Variants in EMID1 observed in about 807,000 individuals in gnomAD.
The protein encoded by EMID1 is EMI domain containing 1, also known as EMI domain-containing protein 1.
A neutral mutation model predicts 60.6 loss-of-function variants in EMID1; 40 were observed. The ratio of observed to expected loss-of-function variants is 0.66; its 90% CI spans 0.51 to 0.86. The LOEUF (loss-of-function observed/expected upper bound fraction) is 0.86. EMID1 is among the 40% of genes least tolerant of loss of function. The pLI, the probability that EMID1 is intolerant of heterozygous loss-of-function variation, is 0.00. For missense variants in EMID1, 585 were observed against 597.1 expected (o/e 0.98, Z 0.21); for synonymous variants, 242 against 231.0 (o/e 1.05, Z -0.43).
intron 13 of EMID1, among the ~76,000 whole-genome samples, chr22:29,248,259 CTTTTT>C (rs33924066): frequency 0.06 from 6,987 of 116,088 alleles, 414 homozygotes; most frequent in East Asian, 0.16. Flanking sequence ...GTGCCTGGCC[CTTTTT>C]TTTTTTTTTT....
intron 1 of EMID1, among the ~76,000 whole-genome samples, 197 bp downstream of exon 1, chr22:29,206,336 C>T (rs1385386794): frequency 6.6e-6 from 1 of 152,200 alleles, no homozygotes; most frequent in Admixed American, 6.5e-5. Flanking sequence ...AGCTGGCTGC[C>T]TCCCCTACTC....
chr22:29,224,088 G>A (rs2040403253), intron 3 of EMID1, among the ~76,000 whole-genome samples: 1 of 152,228 alleles, frequency 6.6e-6, no homozygotes, highest in East Asian at 1.9e-4. Context: ...CCCTTGAGGA[G>A]GGTATGCTGG....
At chr22:29,258,465 T>C (rs906183781) in intron 14 of EMID1, among the ~76,000 whole-genome samples, 1 of 152,154 alleles carries the variant, frequency 6.6e-6, no homozygotes, top group Non-Finnish European at 1.5e-5. Context: ...CAAATGGGGA[T>C]GACTCAGGGC....
chr22:29,223,040 G>A (rs1200443366), intron 3 of EMID1, among the ~76,000 whole-genome samples: 3 of 152,126 alleles, frequency 2.0e-5, no homozygotes, highest in South Asian at 2.1e-4. Context: ...GCAGTGAGCC[G>A]AGATTGCACC....
chr22:29,235,348 CA>C (rs3066718), intron 12 of EMID1, among the ~76,000 whole-genome samples: 9,116 of 113,282 alleles, frequency 0.08, 236 homozygotes, highest in Middle Eastern at 0.11. Context: ...GACTTCATCT[CA>C]AAAAAAAAAA....
Position 29,254,160 on chromosome 22 carries a change from C to G in EMID1, c.1120-43C>G. The G allele has an allele frequency of 1.9e-6, 3 of 1,612,118 alleles. No individual in the cohort carries two copies. In the Middle Eastern group the frequency reaches 5.0e-4, roughly 269 times the overall value. ...ACCGACGGGCTTTGCAGGGTCCCCT[C>G]CCCTGCCCCCTTCACGGCTGCATCT... On this transcript the variant is annotated intron_variant, in intron 13 of 14. Coordinates refer to ENST00000334018, the MANE Select transcript of EMID1 (RefSeq NM_133455.4).
Position 29,206,089 on chromosome 22 carries a change from G to T in EMID1, c.51G>T (p.Pro17=). ...WALLCLGLLL[P]GGGAAWSIGA... is the part of the protein sequence containing the mutation. ...TGCTCTGCCTCGGGCTCCTGCTCCC[G>T]GGAGGCGGCGCTGCGTGGAGCATCG... Residue 17 remains proline, a synonymous_variant, in exon 1 of 15, where the codon CCG becomes CCT. Coordinates refer to ENST00000334018, the MANE Select transcript of EMID1 (RefSeq NM_133455.4). The T allele has an allele frequency of 8.1e-7, 1 of 1,230,668 alleles. No individual in the cohort carries two copies. The allele number at this position is 1,230,668 out of a possible 1,614,324, so 76.2% of individuals were successfully genotyped here.
chr22:29,255,540 T>C (rs952435502), intron 14 of EMID1: 1 of 490,788 alleles, frequency 2.0e-6, no homozygotes, highest in East Asian at 3.1e-5. Context: ...CTTGAGTGAA[T>C]GCGCACCTGC....
intron 3 of EMID1, among the ~76,000 whole-genome samples, chr22:29,223,626 G>A (rs1189474028): frequency 6.6e-6 from 1 of 152,210 alleles, no homozygotes; most frequent in Non-Finnish European, 1.5e-5. Context: ...GGACTGTCCC[G>A]TGGACAACTG....
rs751834299 is a variant in EMID1, at chr22:29,232,143, T to G, written c.677-113T>G. ...TACCAGGCAGCCTAGGCCTGTGGAC[T>G]CCGGGGCCCTCTCTCATGCCCACTG... On this transcript the variant is annotated intron_variant, in intron 7 of 14. Transcript: ENST00000334018. The G allele has an allele frequency of 1.7e-4, 221 of 1,278,954 alleles. 2 individuals carry two copies. Among genetic ancestry groups the G allele is most frequent in the Middle Eastern group, 1.1e-3 (4 of 3,778 alleles). 79.2% of individuals were successfully genotyped at this position (1,278,954 alleles called of 1,614,324 possible).
chr22:29,237,486 C>T (rs1221824327), intron 12 of EMID1, among the ~76,000 whole-genome samples: 1 of 144,088 alleles, frequency 6.9e-6, no homozygotes, highest in African/African-American at 2.7e-5. Flanking sequence ...CGGCCATGCT[C>T]CTCCTTTCTT....
intron 4 of EMID1, among the ~76,000 whole-genome samples, chr22:29,225,587 A>G (rs1220447977): frequency 6.6e-6 from 1 of 152,146 alleles, no homozygotes; most frequent in Non-Finnish European, 1.5e-5. Context: ...ACAGCTGTTC[A>G]CTGCCCGCCC....
chr22:29,257,643 G>C (rs1416922931), intron 14 of EMID1, among the ~76,000 whole-genome samples: 3 of 152,220 alleles, frequency 2.0e-5, no homozygotes, highest in African/African-American at 7.2e-5. Context: ...AGGAGACCTG[G>C]GTGGAAGCGA....
chr22:29,251,227 G>A (rs1163686789), intron 13 of EMID1, among the ~76,000 whole-genome samples: 2 of 151,540 alleles, frequency 1.3e-5, no homozygotes, highest in Non-Finnish European at 2.9e-5. Context: ...GACTACAGGC[G>A]CACACCACCA....
intron 4 of EMID1, 55 bp downstream of exon 4, chr22:29,225,271 G>T: frequency 8.2e-6 from 13 of 1,583,348 alleles, no homozygotes; most frequent in Non-Finnish European, 1.1e-5. Flanking sequence ...GCCCTGGAGG[G>T]GGCTCAGGGC....
chr22:29,232,982 C>T lies in EMID1; in HGVS notation c.824-397C>T, dbSNP rs1339983590. The T allele has an allele frequency of 5.1e-5, 12 of 237,022 alleles. No individual in the cohort carries two copies. In the East Asian group the frequency reaches 1.1e-3, roughly 21 times the overall value. 14.7% of individuals were successfully genotyped at this position (237,022 alleles called of 1,614,324 possible). ...TGCCATCCCAGCATTCATTCCATCT[C>T]ACTATCCATACGATGGGGACAATGA... On this transcript the variant is annotated intron_variant, in intron 8 of 14. Transcript: ENST00000334018.
intron 13 of EMID1, among the ~76,000 whole-genome samples, chr22:29,246,333 A>C (rs983374264): frequency 2.6e-5 from 4 of 152,258 alleles, no homozygotes; most frequent in African/African-American, 9.6e-5. Flanking sequence ...TGAAGGCTCT[A>C]GAAGCAGCAG....
At chr22:29,223,045 T>C (rs1441506319) in intron 3 of EMID1, among the ~76,000 whole-genome samples, 1 of 152,050 alleles carries the variant, frequency 6.6e-6, no homozygotes, top group Admixed American at 6.5e-5. Flanking sequence ...GAGCCGAGAT[T>C]GCACCACTGC....
chr22:29,210,098 G>A (rs1168635154), intron 1 of EMID1, among the ~76,000 whole-genome samples: 1 of 152,028 alleles, frequency 6.6e-6, no homozygotes, highest in East Asian at 1.9e-4. Flanking sequence ...CCCAGGTGGA[G>A]GGGGCAAGGG....
Sources: gnomAD v4.1 joint callset for allele counts (sites outside exome capture counted in the v4.1 genomes callset) on GRCh38, gnomAD v4.1.1 for gene constraint, MANE v1.5 for transcripts, NCBI Gene and HGNC (gene_info 2026-07-23, HGNC 2026-07-21) for gene names.